The following ZFC3H1 variants were observed in gnomAD, a reference collection of about 807,000 sequenced individuals.
ZFC3H1 encodes zinc finger C3H1-type containing.
A neutral mutation model predicts 243.7 loss-of-function variants in ZFC3H1; 71 were observed. The ratio of observed to expected loss-of-function variants is 0.29; its 90% CI spans 0.24 to 0.36. ZFC3H1 has a LOEUF of 0.36. ZFC3H1 is among the 10% of genes least tolerant of loss of function. The probability of loss-of-function intolerance (pLI) is 1.00; values close to 1 mark genes in which losing one functional copy is unlikely to be tolerated. For missense variants in ZFC3H1, 1,966 were observed against 2,317.1 expected (o/e 0.85, Z 3.11); for synonymous variants, 838 against 813.0 (o/e 1.03, Z -0.52).
chr12:71,663,771 C>T lies in ZFC3H1; in HGVS notation c.-161G>A. On this transcript the variant is annotated 5_prime_UTR_variant, in exon 1 of 35. Transcript: ENST00000378743. ...CCCCAACTTCCCCGCACCCCAGCAC[C>T]CCAGCTCTCTCTCGCCGGACCGTCG... is the stretch of plus-strand genomic sequence containing the variant. 4 of 778,596 alleles carry T rather than the reference C, an allele frequency of 5.1e-6. No homozygotes were observed. The South Asian group carries it at 7.1e-5, about 14-fold the overall frequency. The allele number at this position is 778,596 out of a possible 1,614,324, so 48.2% of individuals were successfully genotyped here. A position where few individuals can be genotyped will look rare whatever the true frequency, so the allele number is the denominator to read the frequency against.
intron 1 of ZFC3H1, among the ~76,000 whole-genome samples, chr12:71,661,378 A>C (rs1317001526): frequency 6.6e-6 from 1 of 152,160 alleles, no homozygotes. Flanking sequence ...GATTCAAAAT[A>C]GACCACAAAT....
intron 5 of ZFC3H1, 59 bp from the exon 6 acceptor site, chr12:71,642,618 A>G: frequency 6.5e-7 from 1 of 1,541,326 alleles, no homozygotes; most frequent in East Asian, 2.3e-5. Context: ...TACAAATCAC[A>G]AAAGAACTGA....
chr12:71,641,788 A>T (rs1880608053), intron 6 of ZFC3H1, among the ~76,000 whole-genome samples: 1 of 152,246 alleles, frequency 6.6e-6, no homozygotes, highest in Non-Finnish European at 1.5e-5. Flanking sequence ...AGCAGAAAGT[A>T]TCTTGGATAT....
intron 27 of ZFC3H1, among the ~76,000 whole-genome samples, chr12:71,616,978 A>G (rs1043477207): frequency 2.6e-5 from 4 of 152,176 alleles, no homozygotes; most frequent in African/African-American, 9.6e-5. Flanking sequence ...TTTTCTGGCT[A>G]TCTACTTAAT....
chr12:71,640,762 G>A (rs1278172214), intron 6 of ZFC3H1, among the ~76,000 whole-genome samples: 3 of 152,112 alleles, frequency 2.0e-5, no homozygotes, highest in African/African-American at 7.2e-5. Context: ...TTCTGCCACT[G>A]TGGTATCCTA....
Position 71,663,083 on chromosome 12 carries a change from C to T in ZFC3H1, c.528G>A (p.Leu176=), listed in dbSNP as rs1163251844. 2 of 1,613,906 alleles carry T rather than the reference C, an allele frequency of 1.2e-6. No individual in the cohort carries two copies. The highest frequency in any genetic ancestry group is 1.7e-5 in the Admixed American group (1 of 59,990). The part of the protein sequence containing the change: ...RGGKPGCRPP[L]GGGAGSGFSS... ...TGAACCCGGATCCTGCTCCTCCTCC[C>T]AGAGGAGGTCTGCACCCCGGCTTGC... is the stretch of plus-strand genomic sequence containing the variant. Residue 176 remains leucine (L), a synonymous_variant, in exon 1 of 35, where the codon CTG becomes CTA. Transcript: ENST00000378743.
At chr12:71,661,410 G>A (rs1184460406) in intron 1 of ZFC3H1, among the ~76,000 whole-genome samples, 1 of 151,848 alleles carries the variant, frequency 6.6e-6, no homozygotes. Flanking sequence ...GAAACACCGT[G>A]GGCAGAGGTT....
chr12:71,635,943 T>C (rs1880447955), intron 9 of ZFC3H1, among the ~76,000 whole-genome samples: 1 of 152,202 alleles, frequency 6.6e-6, no homozygotes, highest in Admixed American at 6.5e-5. Context: ...AGAGGGTAAA[T>C]TGCCAAAACT....
chr12:71,645,127 A>G lies in ZFC3H1; in HGVS notation c.1081-52T>C, dbSNP rs771624969. On this transcript the variant is annotated intron_variant, in intron 3 of 34. Transcript: ENST00000378743. ...ATTTTTTAATTCTATTATTTAGCTT[A>G]CACATTTCATCAAGTCAAATCCTTT... 1.1e-5 allele frequency: 16 copies of G among 1,472,506 alleles called. No individual in the cohort carries two copies. In the South Asian group the frequency reaches 1.9e-4, roughly 17 times the overall value. 91.2% of individuals were successfully genotyped at this position (1,472,506 alleles called of 1,614,324 possible).
At chr12:71,615,611 G>A (rs769725191) in intron 27 of ZFC3H1, among the ~76,000 whole-genome samples, 38 of 152,094 alleles carry the variant, frequency 2.5e-4, no homozygotes, top group Non-Finnish European at 4.7e-4. Context: ...CCACCTCCCA[G>A]GTTCAAGTGA....
intron 19 of ZFC3H1, 66 bp downstream of exon 19, chr12:71,629,543 G>C: frequency 1.1e-6 from 1 of 951,358 alleles, no homozygotes; most frequent in Non-Finnish European, 1.5e-6. Context: ...GTCCTTTTCA[G>C]AAAGAGATAC....
At chr12:71,661,095 A>G (rs189748345) in intron 1 of ZFC3H1, among the ~76,000 whole-genome samples, 1,648 of 152,148 alleles carry the variant, frequency 0.011, 12 homozygotes, top group Middle Eastern at 0.024. Flanking sequence ...CGGAGTCAGG[A>G]GATCGAGACC....
At chr12:71,629,154 C>T (rs1474144850) in intron 19 of ZFC3H1, 117 bp from the exon 20 acceptor site, 12 of 846,216 alleles carry the variant, frequency 1.4e-5, no homozygotes, top group East Asian at 3.3e-5. Context: ...AGAAATGATA[C>T]GTATTTTTTT....
In ZFC3H1 at chr12:71,627,740, A is replaced by C. The variant is rs777038328; in HGVS notation, c.4130+11T>G. On this transcript the variant is annotated intron_variant, in intron 21 of 34. Transcript: ENST00000378743. ...TGCAACTGTTTACACAAAGATTTGA[A>C]GTTGACCTACCCCTCATTTTGATTC... is the stretch of plus-strand genomic sequence containing the variant. The C allele has an allele frequency of 1.2e-6, 2 of 1,600,704 alleles. No individual in the cohort carries two copies. The highest frequency in any genetic ancestry group is 1.1e-5 in the South Asian group (1 of 88,466).
intron 20 of ZFC3H1, 85 bp downstream of exon 20, chr12:71,628,833 T>A: frequency 1.4e-6 from 2 of 1,432,426 alleles, no homozygotes; most frequent in Non-Finnish European, 1.8e-6. Flanking sequence ...GGCAGGCTGA[T>A]ACACCAAAGG....
At position 71,610,323 on chromosome 12, in the gene ZFC3H1, G is replaced by C. The variant is rs896766924; in HGVS notation, c.*105C>G. 1.3e-5 allele frequency: 18 copies of C among 1,337,186 alleles called. No homozygotes were observed. Among genetic ancestry groups the C allele is most frequent in the Non-Finnish European group, 4.1e-6 (4 of 976,210 alleles). The allele number at this position is 1,337,186 out of a possible 1,614,324, so 82.8% of individuals were successfully genotyped here. A position where few individuals can be genotyped will look rare whatever the true frequency, so the allele number is the denominator to read the frequency against. On this transcript the variant is annotated 3_prime_UTR_variant, in exon 35 of 35. Transcript: ENST00000378743. ...GAACTTGATATGATCAATAACGCTT[G>C]TCTGCCTTACACAGACCTTAGCCAG...
intron 2 of ZFC3H1, among the ~76,000 whole-genome samples, chr12:71,650,489 T>C (rs568089926): frequency 6.6e-6 from 1 of 152,280 alleles, no homozygotes; most frequent in South Asian, 2.1e-4. Context: ...ATTTAAAATA[T>C]TACCAACTGA....
At chr12:71,610,602 C>G (rs755874773) in intron 34 of ZFC3H1, 37 bp from the exon 35 acceptor site, 5 of 1,612,280 alleles carry the variant, frequency 3.1e-6, no homozygotes, top group Middle Eastern at 1.6e-4. Flanking sequence ...TAAGACTTAG[C>G]TAGAGTTTGA....
Position 71,615,508 on chromosome 12 carries a change from C to T in ZFC3H1, c.5145-192G>A, listed in dbSNP as rs981509542. ...CTAGGATTACACATTACTCAAAATG[C>T]TTTTTTTTGTTTGTTTGTTTGTTTT... On this transcript the variant is annotated intron_variant, in intron 27 of 34. Transcript: ENST00000378743. Among the ~76,000 whole-genome samples the T allele has an allele frequency of 4.0e-5, 6 of 151,838 alleles. No individual in the cohort carries two copies. The East Asian group carries it at 1.2e-3, about 29-fold the overall frequency.
Sources: gnomAD v4.1 joint callset for allele counts (sites outside exome capture counted in the v4.1 genomes callset) on GRCh38, gnomAD v4.1.1 for gene constraint, MANE v1.5 for transcripts, NCBI Gene and HGNC (gene_info 2026-07-23, HGNC 2026-07-21) for gene names.